The following ADAMTSL1 variants were observed in gnomAD, a reference collection of about 807,000 sequenced individuals.
ADAMTSL1 encodes the protein ADAMTS like 1.
A neutral mutation model predicts 201.8 loss-of-function variants in ADAMTSL1; 126 were observed. The observed-to-expected ratio is 0.62, with a 90% confidence interval of 0.54 to 0.72. The LOEUF (loss-of-function observed/expected upper bound fraction) is 0.72. Ranked by LOEUF, ADAMTSL1 falls within the 30% of genes least tolerant of loss-of-function variation. ADAMTSL1 has a pLI of 0.00. For missense variants in ADAMTSL1, 2,679 were observed against 2,277.8 expected (o/e 1.18, Z -3.59); for synonymous variants, 1,121 against 903.4 (o/e 1.24, Z -4.32).
chr9:18,879,924 G>C (rs1447963039), intron 23 of ADAMTSL1, among the ~76,000 whole-genome samples: 1 of 152,150 alleles, frequency 6.6e-6, no homozygotes, highest in East Asian at 1.9e-4. Flanking sequence ...TATTAATTAA[G>C]TTTATATAAT....
chr9:18,000,415 C>T (rs1177865851), intron 1 of ADAMTSL1, among the ~76,000 whole-genome samples: 1 of 151,960 alleles, frequency 6.6e-6, no homozygotes, highest in Non-Finnish European at 1.5e-5. Context: ...ACCCCTCATC[C>T]GGTTTTCTCT....
rs1587765891 is a variant in ADAMTSL1, at chr9:18,639,255, T to C, written c.678T>C (p.Tyr226=). 6.2e-7 allele frequency: 1 copy of C among 1,612,598 alleles called. No homozygotes were observed. Among genetic ancestry groups the C allele is most frequent in the East Asian group, 2.2e-5 (1 of 44,846 alleles). Residue 226 remains tyrosine, a splice_region_variant and synonymous_variant, in exon 7 of 29, where the codon TAT becomes TAC. Transcript: ENST00000380548. ...ATCTTCACGTGTTTGATCATATAGA[T>C]CTGGAAACCAAAACCCTCCAGGGGA... is the stretch of plus-strand genomic sequence containing the variant. ...RLVLKGPDHL[Y]LETKTLQGTK...
chr9:18,695,965 A>G (rs1351855802), intron 13 of ADAMTSL1, among the ~76,000 whole-genome samples: 1 of 152,194 alleles, frequency 6.6e-6, no homozygotes. Context: ...TCATGATGGA[A>G]GAGAAGGGGA....
intron 2 of ADAMTSL1, among the ~76,000 whole-genome samples, chr9:18,180,937 G>A (rs971596932): frequency 5.9e-5 from 9 of 152,104 alleles, no homozygotes; most frequent in Non-Finnish European, 1.2e-4. Context: ...CCAAAACAGC[G>A]ATATTGATCA....
chr9:18,420,295 G>A lies in ADAMTSL1; in HGVS notation c.208-84534G>A, dbSNP rs528304607. Among the ~76,000 whole-genome samples the A allele has an allele frequency of 8.4e-4, 128 of 152,234 alleles. 1 individual carries two copies. The Middle Eastern group carries it at 0.017, about 20-fold the overall frequency. On this transcript the variant is annotated intron_variant, in intron 2 of 29. Transcript: ENST00000680146. Reference sequence around the variant, plus strand: ...CTGTTACAGTTATCCATATAGGAGGGGATAAGGGCTTGAACTAGAATGGTC... The same window carrying A: ...CTGTTACAGTTATCCATATAGGAGGAGATAAGGGCTTGAACTAGAATGGTC...
intron 1 of ADAMTSL1, among the ~76,000 whole-genome samples, chr9:17,929,107 A>G (rs1374696604): frequency 1.3e-5 from 2 of 152,154 alleles, no homozygotes; most frequent in African/African-American, 4.8e-5. Context: ...ACGATGAAGA[A>G]TAGGGGTTTC....
rs57985853 is a variant in ADAMTSL1 at position 18,568,726 on chromosome 9, A to ATT, written c.238-5290_238-5289dup. 3.4e-3 allele frequency among the ~76,000 whole-genome samples: 494 copies of ATT among 143,848 alleles called. 6 individuals carry two copies. The highest frequency in any genetic ancestry group is 7.5e-3 in the Middle Eastern group (2 of 266). The allele number at this position is 143,848 out of a possible 152,430, so 94.4% of individuals were successfully genotyped here. A position where few individuals can be genotyped will look rare whatever the true frequency, so the allele number is the denominator to read the frequency against. On this transcript the variant is annotated intron_variant, in intron 3 of 28. Transcript: ENST00000380548. ...GAGGAAAATTAAGTCAGAAGCATGG[A>ATT]TTTTTTTTTTTTTTTCGGTTACTAC...
At chr9:18,453,105 G>A (rs1471374091) in intron 2 of ADAMTSL1, among the ~76,000 whole-genome samples, 1 of 152,188 alleles carries the variant, frequency 6.6e-6, no homozygotes, top group Non-Finnish European at 1.5e-5. Flanking sequence ...CTTGCTCTCT[G>A]TGCACCTGCA....
At chr9:18,184,855 T>G (rs548544676) in intron 2 of ADAMTSL1, among the ~76,000 whole-genome samples, 1 of 152,280 alleles carries the variant, frequency 6.6e-6, no homozygotes, top group African/African-American at 2.4e-5. Flanking sequence ...ACTCAGAAAG[T>G]AATTAAAATG....
chr9:18,751,072 C>A lies in ADAMTSL1; in HGVS notation c.2007-2226C>A, dbSNP rs530077255. On this transcript the variant is annotated intron_variant, in intron 15 of 28. Coordinates refer to ENST00000380548, the MANE Select transcript of ADAMTSL1 (RefSeq NM_001040272.6). ...CATTCTATTCATTAGAAGTGAGCCA[C>A]TAAGTCTAGCCCATACTCAAGACTT... Among the ~76,000 whole-genome samples the A allele has an allele frequency of 1.5e-4, 23 of 152,286 alleles. No homozygotes were observed. In the South Asian group the frequency reaches 3.3e-3, roughly 22 times the overall value.
intron 1 of ADAMTSL1, among the ~76,000 whole-genome samples, chr9:17,977,152 C>A (rs1443698430): frequency 6.6e-6 from 1 of 151,878 alleles, no homozygotes; most frequent in Non-Finnish European, 1.5e-5. Flanking sequence ...GTTAAAATAT[C>A]CTTGTATCCC....
chr9:18,652,222 A>T (rs545217870), intron 7 of ADAMTSL1, among the ~76,000 whole-genome samples: 1 of 152,032 alleles, frequency 6.6e-6, no homozygotes, highest in Non-Finnish European at 1.5e-5. Context: ...AACTACAAAA[A>T]TTGGCTGGGC....
At chr9:18,093,173 C>T (rs1292997136) in intron 1 of ADAMTSL1, among the ~76,000 whole-genome samples, 2 of 151,450 alleles carry the variant, frequency 1.3e-5, no homozygotes, top group Non-Finnish European at 2.9e-5. Flanking sequence ...TTGCAAATGC[C>T]AGGGAAGCAA....
chr9:18,466,058 T>C (rs1312647771), intron 2 of ADAMTSL1, among the ~76,000 whole-genome samples: 1 of 152,152 alleles, frequency 6.6e-6, no homozygotes, highest in African/African-American at 2.4e-5. Context: ...GCTTCAAGTA[T>C]CTTATTTAAA....
chr9:18,549,164 T>A (rs539377789), intron 3 of ADAMTSL1, among the ~76,000 whole-genome samples: 1 of 151,798 alleles, frequency 6.6e-6, no homozygotes, highest in Non-Finnish European at 1.5e-5. Flanking sequence ...ACCAGACATA[T>A]CATGGTCAAA....
At chr9:18,847,594 T>G (rs1358126130) in intron 23 of ADAMTSL1, among the ~76,000 whole-genome samples, 2 of 152,208 alleles carry the variant, frequency 1.3e-5, no homozygotes, top group African/African-American at 4.8e-5. Context: ...GAGGGCTCAC[T>G]GAGAAAGCAG....
chr9:18,366,140 T>A (rs1396584052), intron 2 of ADAMTSL1, among the ~76,000 whole-genome samples: 2 of 152,050 alleles, frequency 1.3e-5, no homozygotes, highest in African/African-American at 2.4e-5. Context: ...TATTTTTGGG[T>A]GCTGGAGTGA....
At chr9:18,761,969 C>T (rs1296117668) in intron 16 of ADAMTSL1, among the ~76,000 whole-genome samples, 2 of 152,254 alleles carry the variant, frequency 1.3e-5, no homozygotes, top group African/African-American at 4.8e-5. Flanking sequence ...AAAGCAGCTT[C>T]TGGCTAATGA....
intron 26 of ADAMTSL1, among the ~76,000 whole-genome samples, chr9:18,894,805 A>G (rs979586878): frequency 2.0e-5 from 3 of 152,200 alleles, no homozygotes; most frequent in East Asian, 1.9e-4. Context: ...CATAGATGGT[A>G]TCACCCAGAG....
Sources: allele counts gnomAD v4.1 joint callset (sites outside exome capture counted in the v4.1 genomes callset), GRCh38; gene constraint gnomAD v4.1.1; transcripts MANE v1.5; gene names NCBI Gene and HGNC (gene_info 2026-07-23, HGNC 2026-07-21).